GNAI1: variants seen among roughly 807,000 people sequenced by gnomAD.
GNAI1 encodes guanine nucleotide-binding protein G(i) subunit alpha-1.
Under a neutral mutation model 38.9 loss-of-function variants are expected in GNAI1, and 11 were observed. That is an observed-to-expected ratio of 0.28 (90% CI 0.18 to 0.47). GNAI1 has a LOEUF of 0.47. Among genes scored for constraint, GNAI1 ranks in the 20% least tolerant of loss-of-function variants. The pLI is 0.99. For synonymous variants in GNAI1, 166 were observed against 145.1 expected (o/e 1.14, Z -1.04); for missense variants, 317 against 436.9 (o/e 0.73, Z 2.45).
intron 1 of GNAI1, 159 bp downstream of exon 1, chr7:80,135,437 C>T (rs1001040718): frequency 9.2e-6 from 4 of 435,460 alleles, no homozygotes; most frequent in Admixed American, 8.8e-5. Context: ...AGGCGGGTCC[C>T]CCTCTCCCGG....
At chr7:80,208,044 T>G (rs1788806590) in intron 5 of GNAI1, among the ~76,000 whole-genome samples, 1 of 152,160 alleles carries the variant, frequency 6.6e-6, no homozygotes, top group Non-Finnish European at 1.5e-5. Flanking sequence ...GTTTATGAGT[T>G]TGATATCCAT....
intron 3 of GNAI1, among the ~76,000 whole-genome samples, chr7:80,194,142 G>A (rs1788528225): frequency 6.6e-6 from 1 of 152,028 alleles, no homozygotes; most frequent in South Asian, 2.1e-4. Flanking sequence ...TAGCACTCTG[G>A]GCAGCCAAAA....
In GNAI1 at chr7:80,221,705, CA is replaced by C. The variant is rs1262552876; in HGVS notation, c.*4214del. Among the ~76,000 whole-genome samples, 1 of 125,650 alleles carries C rather than the reference CA, an allele frequency of 8.0e-6. No individual in the cohort carries two copies. Among genetic ancestry groups the C allele is most frequent in the Non-Finnish European group, 1.6e-5 (1 of 64,090 alleles). The allele number at this position is 125,650 out of a possible 152,430, so 82.4% of individuals were successfully genotyped here. ...TTCACCAGGCTGGAGTGCAGTCGTG[CA>C]ATCTCCACTCTCTGCAACCTCCAAC... is the stretch of plus-strand genomic sequence containing the variant. On this transcript the variant is annotated 3_prime_UTR_variant, in exon 8 of 8. Coordinates refer to ENST00000649796, the MANE Select transcript of GNAI1 (RefSeq NM_002069.6).
At chr7:80,200,826 T>C (rs1788674364) in intron 4 of GNAI1, among the ~76,000 whole-genome samples, 1 of 152,198 alleles carries the variant, frequency 6.6e-6, no homozygotes, top group African/African-American at 2.4e-5. Context: ...AACATAAACA[T>C]ATTGAATATG....
At chr7:80,135,443 C>G (rs1787393081) in intron 1 of GNAI1, 165 bp downstream of exon 1, 1 of 431,712 alleles carries the variant, frequency 2.3e-6, no homozygotes, top group Non-Finnish European at 4.0e-6. Flanking sequence ...GTCCCCCTCT[C>G]CCGGTGTCTG....
intron 3 of GNAI1, among the ~76,000 whole-genome samples, chr7:80,198,825 T>C (rs1005272712): frequency 6.6e-5 from 10 of 152,236 alleles, no homozygotes; most frequent in African/African-American, 2.4e-4. Flanking sequence ...TTGAAAGTTA[T>C]GTTTCTTAGT....
intron 7 of GNAI1, 78 bp from the exon 8 acceptor site, chr7:80,217,225 T>C (rs1017959665): frequency 2.2e-5 from 20 of 905,166 alleles, no homozygotes; most frequent in Middle Eastern, 3.6e-4. Context: ...CAGTTTCATA[T>C]GTATGAAACT....
intron 3 of GNAI1, among the ~76,000 whole-genome samples, chr7:80,195,092 T>C (rs1191784261): frequency 6.6e-6 from 1 of 152,042 alleles, no homozygotes; most frequent in African/African-American, 2.4e-5. Flanking sequence ...TTATCTCACA[T>C]TTCTGTATTG....
chr7:80,212,211 T>G (rs1452730141), intron 6 of GNAI1, among the ~76,000 whole-genome samples: 1 of 152,204 alleles, frequency 6.6e-6, no homozygotes, highest in African/African-American at 2.4e-5. Context: ...ATCAGTGCCC[T>G]CTTTGATGAG....
At chr7:80,171,264 AATTTATTGGGTG>A (rs1788093853) in intron 1 of GNAI1, among the ~76,000 whole-genome samples, 1 of 151,778 alleles carries the variant, frequency 6.6e-6, no homozygotes, top group African/African-American at 2.4e-5. Context: ...AAAATTTATT[AATTTATTGGGTG>A]TTTCCTCAAG....
At chr7:80,208,320 A>T (rs1298865043) in intron 5 of GNAI1, among the ~76,000 whole-genome samples, 2 of 152,196 alleles carry the variant, frequency 1.3e-5, no homozygotes, top group Non-Finnish European at 2.9e-5. Flanking sequence ...GATACTTCTA[A>T]TATAAGTGTA....
At chr7:80,161,755 C>A (rs2116130608) in intron 1 of GNAI1, among the ~76,000 whole-genome samples, 1 of 152,136 alleles carries the variant, frequency 6.6e-6, no homozygotes, top group African/African-American at 2.4e-5. Flanking sequence ...AAGTTGAGTC[C>A]AAAGAGATTT....
chr7:80,171,550 A>G (rs1788098310), intron 1 of GNAI1, among the ~76,000 whole-genome samples: 1 of 152,242 alleles, frequency 6.6e-6, no homozygotes, highest in Admixed American at 6.5e-5. Context: ...TTTAATTTAC[A>G]TCTTGATGTA....
chr7:80,203,683 G>GT (rs765438609), intron 4 of GNAI1, 21 bp from the exon 5 acceptor site: 1 of 1,511,006 alleles, frequency 6.6e-7, no homozygotes, highest in African/African-American at 1.4e-5. Context: ...TTAACATGTT[G>GT]TTTTGTTTAA....
chr7:80,136,379 G>T (rs776185706), intron 1 of GNAI1, among the ~76,000 whole-genome samples: 1 of 152,104 alleles, frequency 6.6e-6, no homozygotes, highest in Non-Finnish European at 1.5e-5. Flanking sequence ...GCACAAACCT[G>T]TTTTCAGTAA....
At position 80,222,537 on chromosome 7, in the gene GNAI1, G is replaced by A. The variant is rs1317181061; in HGVS notation, c.*5044G>A. 3.3e-5 allele frequency among the ~76,000 whole-genome samples: 5 copies of A among 151,578 alleles called. No individual in the cohort carries two copies. The highest frequency in any genetic ancestry group is 1.9e-4 in the East Asian group (1 of 5,150). ...CGAGTAGCTGGGATTACAGGCATGC[G>A]ACACTACACCCAACTAATCTTGTAT... On this transcript the variant is annotated 3_prime_UTR_variant, in exon 8 of 8. Transcript: ENST00000649796.
intron 1 of GNAI1, among the ~76,000 whole-genome samples, chr7:80,162,181 G>C (rs999699693): frequency 6.6e-6 from 1 of 152,106 alleles, no homozygotes; most frequent in African/African-American, 2.4e-5. Context: ...CTGTAAACCA[G>C]GAAGAGGGCC....
intron 6 of GNAI1, among the ~76,000 whole-genome samples, chr7:80,211,921 T>C (rs998788178): frequency 1.3e-5 from 2 of 152,166 alleles, no homozygotes; most frequent in Non-Finnish European, 2.9e-5. Flanking sequence ...TTAAGCTGCA[T>C]GGGTCCACAT....
At chr7:80,146,807 A>G (rs560525417) in intron 1 of GNAI1, among the ~76,000 whole-genome samples, 21 of 152,132 alleles carry the variant, frequency 1.4e-4, no homozygotes, top group Non-Finnish European at 2.5e-4. Context: ...GAAACCTATC[A>G]CTTTATCAGT....
Sources: allele counts gnomAD v4.1 joint callset (sites outside exome capture counted in the v4.1 genomes callset), GRCh38; gene constraint gnomAD v4.1.1; transcripts MANE v1.5; gene names NCBI Gene and HGNC (gene_info 2026-07-23, HGNC 2026-07-21).